GPR107: variants seen among roughly 807,000 people sequenced by gnomAD.
The protein encoded by GPR107 is G protein-coupled receptor 107, also known as protein GPR107.
Under a neutral mutation model 75.5 loss-of-function variants are expected in GPR107, and 31 were observed. The observed-to-expected ratio is 0.41, with a 90% CI of 0.31 to 0.55. The LOEUF (loss-of-function observed/expected upper bound fraction) is 0.55, where lower values mean the gene tolerates loss of function less well. GPR107 is among the 20% of genes least tolerant of loss of function. The pLI is 0.26. For synonymous variants in GPR107, 267 were observed against 251.3 expected, an observed-to-expected ratio of 1.06 and a Z score of -0.59; for missense variants, 572 against 665.7, an observed-to-expected ratio of 0.86 and a Z score of 1.55.
chr9:130,128,329 T>G (rs918090577), intron 16 of GPR107, among the ~76,000 whole-genome samples: 1 of 152,234 alleles, frequency 6.6e-6, no homozygotes, highest in African/African-American at 2.4e-5. Context: ...GACTTTTTTC[T>G]TGAATAACTC....
chr9:130,098,326 T>TG (rs1209318533), intron 9 of GPR107, among the ~76,000 whole-genome samples: 10 of 152,192 alleles, frequency 6.6e-5, no homozygotes, highest in African/African-American at 2.4e-4. Flanking sequence ...CTCATTGGCC[T>TG]GGGGTATTTG....
chr9:130,084,648 C>A (rs1830573378), intron 6 of GPR107, among the ~76,000 whole-genome samples: 3 of 151,686 alleles, frequency 2.0e-5, no homozygotes, highest in African/African-American at 7.3e-5. Context: ...TGGTGGTATG[C>A]GCCTGTGGTC....
In GPR107 at chr9:130,079,626, G is replaced by A. The variant is rs1449414577; in HGVS notation, c.387-4G>A. 2.5e-6 allele frequency: 4 copies of A among 1,612,484 alleles called. No individual in the cohort carries two copies. In the South Asian group the frequency reaches 3.3e-5, roughly 13 times the overall value. On this transcript the variant is annotated splice_polypyrimidine_tract_variant and splice_region_variant and intron_variant, in intron 4 of 17. Transcript: ENST00000347136. ...TTTTTTCCTTCTGTCTTATTTGAAT[G>A]TAGGGTAAGAGTAAAGTCTCCACCA...
intron 12 of GPR107, among the ~76,000 whole-genome samples, chr9:130,101,439 G>A (rs1043571999): frequency 6.6e-6 from 1 of 152,234 alleles, no homozygotes; most frequent in African/African-American, 2.4e-5. Flanking sequence ...GCCTTTGGGG[G>A]CCTAGATTTT....
At chr9:130,119,557 C>CTG in intron 14 of GPR107, among the ~76,000 whole-genome samples, 1 of 152,120 alleles carries the variant, frequency 6.6e-6, no homozygotes, top group South Asian at 2.1e-4. Context: ...TTATCGGAGG[C>CTG]CACACAGCCA....
chr9:130,128,908 G>A, intron 17 of GPR107, 147 bp downstream of exon 17: 1 of 702,616 alleles, frequency 1.4e-6, no homozygotes, highest in Non-Finnish European at 2.4e-6. Context: ...GGACACTGGA[G>A]CCCCAGGCTG....
intron 17 of GPR107, chr9:130,133,360 C>CA (rs1831876529): frequency 1.3e-5 from 2 of 152,350 alleles, no homozygotes; most frequent in South Asian, 4.1e-4. Context: ...AATCAACGTG[C>CA]ATTGAACTCT....
At chr9:130,126,222 G>C (rs1217230990) in intron 15 of GPR107, among the ~76,000 whole-genome samples, 1 of 112,850 alleles carries the variant, frequency 8.9e-6, no homozygotes, top group African/African-American at 3.1e-5. Flanking sequence ...AGTTCTATCA[G>C]CTAGCACCAA....
At chr9:130,133,947 A>G (rs1831891728) in intron 17 of GPR107, among the ~76,000 whole-genome samples, 2 of 152,020 alleles carry the variant, frequency 1.3e-5, no homozygotes, top group African/African-American at 4.8e-5. Context: ...AGCTGCATGC[A>G]CTCTAGATGG....
At chr9:130,108,752 T>A in intron 14 of GPR107, 1 of 455,712 alleles carries the variant, frequency 2.2e-6, no homozygotes, top group Non-Finnish European at 4.4e-6. Flanking sequence ...CGTTTTCTCA[T>A]TTTTTTCCCC....
intron 1 of GPR107, among the ~76,000 whole-genome samples, chr9:130,069,619 A>G (rs1830151287): frequency 6.6e-6 from 1 of 152,210 alleles, no homozygotes; most frequent in Non-Finnish European, 1.5e-5. Flanking sequence ...ATAGCTTAAA[A>G]TGGAGGTGGG....
chr9:130,095,629 G>T (rs1043764197), intron 9 of GPR107, among the ~76,000 whole-genome samples: 2 of 152,112 alleles, frequency 1.3e-5, no homozygotes. Context: ...TCTTTACTTC[G>T]TGATCCACCT....
At chr9:130,104,339 G>T (rs778746387) in intron 12 of GPR107, 81 bp from the exon 13 acceptor site, 5 of 1,330,796 alleles carry the variant, frequency 3.8e-6, no homozygotes, top group Non-Finnish European at 5.3e-6. Flanking sequence ...GGAGGCCAAG[G>T]TGTACACCCC....
At chr9:130,116,701 C>CG (rs1392511955) in intron 14 of GPR107, among the ~76,000 whole-genome samples, 1 of 152,082 alleles carries the variant, frequency 6.6e-6, no homozygotes, top group African/African-American at 2.4e-5. Flanking sequence ...GCTCTAGAAT[C>CG]GAAGGTAAAT....
At chr9:130,108,206 C>G (rs1178242732) in intron 14 of GPR107, among the ~76,000 whole-genome samples, 4 of 152,242 alleles carry the variant, frequency 2.6e-5, no homozygotes, top group African/African-American at 7.2e-5. Flanking sequence ...GAGCAGTGCT[C>G]TCTTCTCTCA....
chr9:130,139,364 C>T lies in GPR107; in HGVS notation c.*4243C>T, dbSNP rs1832038770. The T allele has an allele frequency of 6.6e-6, 1 of 152,238 alleles. No homozygotes were observed. Among genetic ancestry groups the T allele is most frequent in the Non-Finnish European group, 1.5e-5 (1 of 68,052 alleles). The allele number at this position is 152,238 out of a possible 1,614,324, so 9.4% of individuals were successfully genotyped here. On this transcript the variant is annotated 3_prime_UTR_variant, in exon 18 of 18. Transcript: ENST00000347136. Reference sequence around the variant, plus strand: ...GCATCTACCTGAGTTGACGCTAATACTTGTCACCACCTGGAACGTAGTTAT... The same window carrying T: ...GCATCTACCTGAGTTGACGCTAATATTTGTCACCACCTGGAACGTAGTTAT...
chr9:130,121,746 C>T (rs1408039643), intron 14 of GPR107, among the ~76,000 whole-genome samples: 1 of 152,236 alleles, frequency 6.6e-6, no homozygotes, highest in Non-Finnish European at 1.5e-5. Context: ...GGAGCCCATG[C>T]TTACCCCTGT....
chr9:130,085,498 TTTGAC>T (rs1490962573), intron 6 of GPR107, among the ~76,000 whole-genome samples: 16 of 152,188 alleles, frequency 1.1e-4, no homozygotes, highest in Middle Eastern at 3.2e-3. Flanking sequence ...ATCTGATAAC[TTTGAC>T]TTATCAATCA....
chr9:130,060,149 G>A (rs569749874), intron 1 of GPR107, among the ~76,000 whole-genome samples: 11 of 151,614 alleles, frequency 7.3e-5, no homozygotes, highest in African/African-American at 1.2e-4. Context: ...TGCAACCTCC[G>A]CCTCCCAGGT....
Sources: allele counts gnomAD v4.1 joint callset (sites outside exome capture counted in the v4.1 genomes callset), GRCh38; gene constraint gnomAD v4.1.1; transcripts MANE v1.5; gene names NCBI Gene and HGNC (gene_info 2026-07-23, HGNC 2026-07-21).